The following PCOLCE2 variants were observed in gnomAD, a reference collection of about 807,000 sequenced individuals.
PCOLCE2 encodes procollagen C-proteinase enhancer 2.
A neutral mutation model predicts 47.0 loss-of-function variants in PCOLCE2; 42 were observed. The observed-to-expected ratio is 0.89, with a 90% confidence interval of 0.70 to 1.16. The LOEUF (loss-of-function observed/expected upper bound fraction) is 1.16. Ranked by LOEUF, PCOLCE2 falls within the 50% of genes most tolerant of loss-of-function variation. The probability of loss-of-function intolerance (pLI) is 0.00; values close to 1 mark genes in which losing one functional copy is unlikely to be tolerated. For missense variants in PCOLCE2, 500 were observed against 526.1 expected (o/e 0.95, Z 0.49); for synonymous variants, 169 against 191.7 (o/e 0.88, Z 0.98).
chr3:142,867,034 A>T (rs753039630), intron 2 of PCOLCE2, among the ~76,000 whole-genome samples: 1 of 152,198 alleles, frequency 6.6e-6, no homozygotes, highest in Non-Finnish European at 1.5e-5. Flanking sequence ...TTTGCATAAT[A>T]AAAGGTTAGG....
At chr3:142,864,972 A>G (rs1003611962) in intron 2 of PCOLCE2, among the ~76,000 whole-genome samples, 3 of 152,218 alleles carry the variant, frequency 2.0e-5, no homozygotes, top group African/African-American at 2.4e-5. Context: ...TCTTTGTACA[A>G]GTCTTTATGT....
At chr3:142,841,083 A>AG (rs1937260450) in intron 4 of PCOLCE2, among the ~76,000 whole-genome samples, 1 of 151,972 alleles carries the variant, frequency 6.6e-6, no homozygotes. Flanking sequence ...TCAAAAAAAA[A>AG]AAAAAAAGAA....
chr3:142,846,777 A>T (rs889339291), intron 3 of PCOLCE2: 1 of 152,006 alleles, frequency 6.6e-6, no homozygotes, highest in Non-Finnish European at 1.5e-5. Flanking sequence ...AAAATTTCAG[A>T]TCCTGTTTCT....
intron 2 of PCOLCE2, among the ~76,000 whole-genome samples, chr3:142,858,604 T>C (rs564685979): frequency 6.6e-6 from 1 of 152,178 alleles, no homozygotes; most frequent in East Asian, 1.9e-4. Flanking sequence ...AGTGCCTCCC[T>C]GGGGTAAGTG....
Position 142,829,683 on chromosome 3 carries a change from A to G in PCOLCE2, c.865+9T>C. 1 of 1,558,172 alleles carries G rather than the reference A, an allele frequency of 6.4e-7. No individual in the cohort carries two copies. Among genetic ancestry groups the G allele is most frequent in the Non-Finnish European group, 8.7e-7 (1 of 1,154,542 alleles). On this transcript the variant is annotated intron_variant, in intron 6 of 8. Coordinates refer to ENST00000295992, the MANE Select transcript of PCOLCE2 (RefSeq NM_013363.4). ...GTTTTTGCACAAACTTCCAAACAGG[A>G]AAACTTACCCGTGGTTACAGGGAAT...
At chr3:142,880,830 T>A (rs778524380) in intron 2 of PCOLCE2, among the ~76,000 whole-genome samples, 1 of 152,154 alleles carries the variant, frequency 6.6e-6, no homozygotes, top group African/African-American at 2.4e-5. Context: ...GTCAAACAAA[T>A]CCTTACAAAG....
intron 2 of PCOLCE2, among the ~76,000 whole-genome samples, chr3:142,886,215 T>C (rs1933715367): frequency 6.6e-6 from 1 of 152,196 alleles, no homozygotes; most frequent in African/African-American, 2.4e-5. Flanking sequence ...AAGCTTTCAC[T>C]GGACGTGCCC....
chr3:142,823,491 G>T, intron 7 of PCOLCE2, 41 bp downstream of exon 7: 1 of 1,217,644 alleles, frequency 8.2e-7, no homozygotes, highest in Non-Finnish European at 1.2e-6. Context: ...GCAGCCTCAA[G>T]TTTCTGGTTA....
chr3:142,852,931 C>T (rs1382550079), intron 2 of PCOLCE2, among the ~76,000 whole-genome samples: 1 of 151,134 alleles, frequency 6.6e-6, no homozygotes, highest in Non-Finnish European at 1.5e-5. Flanking sequence ...ATAGGGAGAT[C>T]GTGTCTCTAC....
At chr3:142,857,613 C>A (rs6440116) in intron 2 of PCOLCE2, among the ~76,000 whole-genome samples, 1 of 151,986 alleles carries the variant, frequency 6.6e-6, no homozygotes, top group Admixed American at 6.5e-5. Context: ...CCATGACAAA[C>A]TGTAAATCAT....
chr3:142,851,750 G>A (rs550757280), intron 2 of PCOLCE2, among the ~76,000 whole-genome samples: 5 of 152,286 alleles, frequency 3.3e-5, no homozygotes, highest in South Asian at 4.1e-4. Context: ...TGCAAGAAGC[G>A]AGGAAGACTG....
chr3:142,863,171 G>T (rs756796131), intron 2 of PCOLCE2, among the ~76,000 whole-genome samples: 24 of 149,872 alleles, frequency 1.6e-4, no homozygotes, highest in Non-Finnish European at 3.1e-4. Context: ...GGAAAGCTTG[G>T]TTCACTTAAT....
At chr3:142,836,485 A>G (rs929230599) in intron 5 of PCOLCE2, among the ~76,000 whole-genome samples, 2 of 152,168 alleles carry the variant, frequency 1.3e-5, no homozygotes, top group African/African-American at 4.8e-5. Flanking sequence ...TGGGCTTCTT[A>G]CTACTTTTGA....
chr3:142,839,848 T>C (rs983118924), intron 4 of PCOLCE2, among the ~76,000 whole-genome samples: 2 of 152,110 alleles, frequency 1.3e-5, no homozygotes, highest in African/African-American at 2.4e-5. Flanking sequence ...AAAAACAAGA[T>C]TGTAATTGGA....
chr3:142,880,191 G>A (rs1463303595), intron 2 of PCOLCE2, among the ~76,000 whole-genome samples: 2 of 149,380 alleles, frequency 1.3e-5, no homozygotes, highest in African/African-American at 2.5e-5. Flanking sequence ...TTACTATTCA[G>A]GCAACTGAAA....
intron 2 of PCOLCE2, among the ~76,000 whole-genome samples, chr3:142,858,476 G>A (rs1354009922): frequency 1.3e-5 from 2 of 152,200 alleles, no homozygotes; most frequent in Non-Finnish European, 2.9e-5. Flanking sequence ...CCAGCTGCTG[G>A]CACAGCAACA....
chr3:142,862,384 T>C (rs1272427546), intron 2 of PCOLCE2, among the ~76,000 whole-genome samples: 1 of 152,192 alleles, frequency 6.6e-6, no homozygotes, highest in Non-Finnish European at 1.5e-5. Context: ...TTCTGTTAAT[T>C]CAGTCACCAC....
rs1368029559 is a variant in PCOLCE2, at chr3:142,852,309, A to C, written c.193-3837T>G. Among the ~76,000 whole-genome samples, 6 of 152,230 alleles carry C rather than the reference A, an allele frequency of 3.9e-5. No individual in the cohort carries two copies. In the East Asian group the frequency reaches 1.2e-3, roughly 29 times the overall value. On this transcript the variant is annotated intron_variant, in intron 2 of 8. Transcript: ENST00000295992. ...GATAAGAGCTCCTGATTGTCATTAT[A>C]AAGGACTTTAGAGAGCATATTCTCC...
At chr3:142,823,316 T>C (rs905426803) in intron 7 of PCOLCE2, among the ~76,000 whole-genome samples, 1 of 152,140 alleles carries the variant, frequency 6.6e-6, no homozygotes, top group African/African-American at 2.4e-5. Context: ...GTCAAATTAT[T>C]AAGCTTATAT....
Sources: allele counts gnomAD v4.1 joint callset (sites outside exome capture counted in the v4.1 genomes callset), GRCh38; gene constraint gnomAD v4.1.1; transcripts MANE v1.5; gene names NCBI Gene and HGNC (gene_info 2026-07-23, HGNC 2026-07-21).